The following ANKDD1A variants were observed in gnomAD, a reference collection of about 807,000 sequenced individuals.
The protein encoded by ANKDD1A is ankyrin repeat and death domain containing 1A.
Under a neutral mutation model 63.5 loss-of-function variants are expected in ANKDD1A, and 59 were observed. The observed-to-expected ratio is 0.93, with a 90% CI of 0.75 to 1.15. The LOEUF (loss-of-function observed/expected upper bound fraction) is 1.15, where lower values mean the gene tolerates loss of function less well. Among genes scored for constraint, ANKDD1A ranks in the 50% most tolerant of loss-of-function variants. The pLI, the probability that ANKDD1A is intolerant of heterozygous loss-of-function variation, is 0.00. For missense variants in ANKDD1A, 632 were observed against 656.4 expected (o/e 0.96, Z 0.41); for synonymous variants, 266 against 263.9 (o/e 1.01, Z -0.08).
intron 13 of ANKDD1A, 108 bp from the exon 14 acceptor site, chr15:64,949,733 C>T (rs759863840): frequency 2.5e-5 from 38 of 1,504,626 alleles, no homozygotes; most frequent in Non-Finnish European, 3.4e-5. Context: ...GCCTCTTTCC[C>T]ACCTGGGCAT....
chr15:64,935,004 T>C (rs993793887), intron 9 of ANKDD1A, among the ~76,000 whole-genome samples: 4 of 150,752 alleles, frequency 2.7e-5, no homozygotes, highest in African/African-American at 9.8e-5. Context: ...GCTGGAGTAT[T>C]GCTTGATCTC....
At chr15:64,944,416 A>G (rs2085207876) in intron 11 of ANKDD1A, among the ~76,000 whole-genome samples, 1 of 152,182 alleles carries the variant, frequency 6.6e-6, no homozygotes, top group African/African-American at 2.4e-5. Flanking sequence ...AGAGCTTCCT[A>G]ATTTCTAAAG....
chr15:64,922,130 G>A (rs952981381), intron 4 of ANKDD1A, 111 bp downstream of exon 4: 7 of 837,306 alleles, frequency 8.4e-6, no homozygotes, highest in Non-Finnish European at 1.3e-5. Flanking sequence ...CCCCCAACCT[G>A]CCTCTGCCTG....
chr15:64,938,279 A>G (rs957472042), intron 9 of ANKDD1A, among the ~76,000 whole-genome samples: 1 of 152,210 alleles, frequency 6.6e-6, no homozygotes, highest in Non-Finnish European at 1.5e-5. Flanking sequence ...AAAGTGCAGT[A>G]CGGGAAGAGG....
intron 14 of ANKDD1A, among the ~76,000 whole-genome samples, chr15:64,956,524 G>A (rs1312700111): frequency 1.3e-5 from 2 of 151,468 alleles, no homozygotes; most frequent in African/African-American, 2.4e-5. Context: ...CTGCACTCCA[G>A]CCTGGGCGAC....
In ANKDD1A at chr15:64,949,888, C is replaced by A. The variant is rs1463076778; in HGVS notation, c.1399C>A (p.Leu467Met). ...CGGCCACCGAATGCTGCTCATTTGG[C>A]TGCATGGCGTGGCCACGGCTGGTGA... ...EHGHRMLLIW[L>M]HGVATAGENP... is the part of the protein sequence containing the mutation. Residue 467 changes from leucine (L) to methionine (M), a missense_variant, in exon 14 of 15, where the codon CTG (leucine) becomes ATG (methionine). Leu to Met is a conservative substitution (Grantham distance 15). Transcript: ENST00000319580. The A allele has an allele frequency of 1.9e-6, 3 of 1,606,126 alleles. No individual in the cohort carries two copies. The Admixed American group carries it at 5.0e-5, about 27-fold the overall frequency.
intron 14 of ANKDD1A, among the ~76,000 whole-genome samples, chr15:64,952,793 TC>T (rs2085321025): frequency 1.4e-5 from 2 of 142,890 alleles, no homozygotes; most frequent in South Asian, 2.3e-4. Flanking sequence ...TTCTCCTTCT[TC>T]TTTTCTTCTC....
chr15:64,953,017 GTTC>G (rs1411457639), intron 14 of ANKDD1A, among the ~76,000 whole-genome samples: 37 of 105,102 alleles, frequency 3.5e-4, no homozygotes, highest in Admixed American at 2.8e-3. Flanking sequence ...TCTTCTCCTT[GTTC>G]TTCTCCTCCT....
intron 14 of ANKDD1A, among the ~76,000 whole-genome samples, chr15:64,953,614 CCTT>C (rs1555397849): frequency 0.14 from 2,883 of 19,942 alleles, 128 homozygotes; most frequent in Middle Eastern, 0.25. Context: ...TTTCTTCTCT[CCTT>C]CTTCTTCTTC....
At chr15:64,934,953 A>G (rs28484768) in intron 9 of ANKDD1A, among the ~76,000 whole-genome samples, 2,000 of 152,216 alleles carry the variant, frequency 0.013, 46 homozygotes, top group African/African-American at 0.045. Flanking sequence ...TTGGGAGTGC[A>G]GTGGTTCACA....
At chr15:64,913,104 C>A (rs1371005732) in intron 1 of ANKDD1A, among the ~76,000 whole-genome samples, 1 of 152,240 alleles carries the variant, frequency 6.6e-6, no homozygotes, top group African/African-American at 2.4e-5. Context: ...GCAGTGTCTG[C>A]TGGCTTCCCA....
chr15:64,945,605 A>AATTTATATATATATATATAT (rs2085215731), intron 12 of ANKDD1A, among the ~76,000 whole-genome samples: 11 of 3,810 alleles, frequency 2.9e-3, no homozygotes, highest in African/African-American at 8.1e-3. Context: ...ATGCATTTTC[A>AATTTATATATATATATATAT]ACATATATAT....
chr15:64,951,597 T>G (rs1375163562), intron 14 of ANKDD1A, among the ~76,000 whole-genome samples: 1 of 112,776 alleles, frequency 8.9e-6, no homozygotes, highest in Non-Finnish European at 1.9e-5. Context: ...TTTTCTTTCT[T>G]CTTTCTTCTT....
At chr15:64,945,315 T>C (rs2085213744) in intron 12 of ANKDD1A, among the ~76,000 whole-genome samples, 1 of 152,090 alleles carries the variant, frequency 6.6e-6, no homozygotes, top group Non-Finnish European at 1.5e-5. Context: ...TTAATACAGA[T>C]GGTCCCCGAT....
intron 3 of ANKDD1A, among the ~76,000 whole-genome samples, chr15:64,917,942 C>T (rs4287512): frequency 0.51 from 77,289 of 152,102 alleles, 20,734 homozygotes; most frequent in South Asian, 0.69. Flanking sequence ...TGGCAGGCAG[C>T]GTGTTGCTGA....
Position 64,944,642 on chromosome 15 carries a change from T to G in ANKDD1A, c.1066-10T>G. 6.2e-7 allele frequency: 1 copy of G among 1,613,452 alleles called. No homozygotes were observed. Among genetic ancestry groups the G allele is most frequent in the South Asian group, 1.1e-5 (1 of 90,906 alleles). ...AAACTCTGGCTTCTCTTCTTGCCTC[T>G]TAATTGCAGCAGGGAAAAACCGCCC... On this transcript the variant is annotated splice_polypyrimidine_tract_variant and intron_variant, in intron 11 of 14. Transcript: ENST00000319580.
At position 64,942,521 on chromosome 15, in the gene ANKDD1A, C is replaced by T. The variant is rs142825344; in HGVS notation, c.922C>T (p.Arg308Trp). Residue 308 changes from arginine to tryptophan, a missense_variant, in exon 10 of 15, where the codon CGG becomes TGG. Arg to Trp is a moderately radical substitution (Grantham distance 101). Transcript: ENST00000319580. ...AVRHNFPALVRLLINSDSDVN... is the reference protein window; with the variant it reads ...AVRHNFPALVWLLINSDSDVN... Reference sequence around the variant, plus strand: ...GAGGCACAACTTCCCTGCCTTGGTCCGGCTCCTCATCAACTCCGACAGTGA... The same window carrying T: ...GAGGCACAACTTCCCTGCCTTGGTCTGGCTCCTCATCAACTCCGACAGTGA... The T allele has an allele frequency of 2.7e-5, 44 of 1,613,816 alleles. No homozygotes were observed. The highest frequency in any genetic ancestry group is 1.6e-4 in the Middle Eastern group (1 of 6,082).
intron 14 of ANKDD1A, among the ~76,000 whole-genome samples, chr15:64,955,215 A>G (rs956704008): frequency 3.3e-5 from 5 of 151,768 alleles, no homozygotes; most frequent in Admixed American, 3.3e-4. Context: ...CACCACACCC[A>G]GCTAATGTTT....
intron 5 of ANKDD1A, among the ~76,000 whole-genome samples, chr15:64,926,648 G>A (rs965110422): frequency 3.9e-5 from 6 of 152,128 alleles, no homozygotes; most frequent in Non-Finnish European, 2.9e-5. Context: ...TCAAGAATCT[G>A]TTTATTCATT....
Sources: allele counts gnomAD v4.1 joint callset (sites outside exome capture counted in the v4.1 genomes callset), GRCh38; gene constraint gnomAD v4.1.1; transcripts MANE v1.5; gene names NCBI Gene and HGNC (gene_info 2026-07-23, HGNC 2026-07-21).